The following PPM1H variants were observed in gnomAD, a reference collection of about 807,000 sequenced individuals.
PPM1H encodes protein phosphatase 1H.
PPM1H carries 27 observed loss-of-function variants against 54.9 expected under a neutral mutation model. The ratio of observed to expected loss-of-function variants is 0.49; its 90% confidence interval spans 0.36 to 0.68. PPM1H has a LOEUF of 0.68. Ranked by LOEUF, PPM1H falls within the 30% of genes least tolerant of loss-of-function variation. PPM1H has a pLI of 0.00. For synonymous variants in PPM1H, 305 were observed against 270.8 expected, an observed-to-expected ratio of 1.13 and a Z score of -1.24; for missense variants, 596 against 667.8, an observed-to-expected ratio of 0.89 and a Z score of 1.19.
chr12:62,676,099 G>A (rs776221603), intron 8 of PPM1H, among the ~76,000 whole-genome samples: 3 of 152,180 alleles, frequency 2.0e-5, no homozygotes, highest in Non-Finnish European at 4.4e-5. Flanking sequence ...GGCCATGAGT[G>A]GGCCAGAAAA....
chr12:62,685,366 T>C (rs894290704), intron 8 of PPM1H, among the ~76,000 whole-genome samples: 9 of 152,226 alleles, frequency 5.9e-5, no homozygotes, highest in Non-Finnish European at 1.0e-4. Flanking sequence ...CAGAGCCCCT[T>C]GAACCAGTAC....
At chr12:62,655,268 TTCAGAGCTCATTTGCATCC>T (rs2075837804) in intron 9 of PPM1H, among the ~76,000 whole-genome samples, 2 of 152,118 alleles carry the variant, frequency 1.3e-5, no homozygotes, top group South Asian at 4.1e-4. Flanking sequence ...TGGTGGCCAT[TTCAGAGCTCATTTGCATCC>T]ATCTTCGGAG....
intron 2 of PPM1H, among the ~76,000 whole-genome samples, chr12:62,815,752 T>A (rs1046901282): frequency 6.6e-6 from 1 of 152,118 alleles, no homozygotes; most frequent in African/African-American, 2.4e-5. Context: ...AAAATTGAGG[T>A]ATGGAGAAGC....
At chr12:62,777,670 A>G (rs11838276) in intron 4 of PPM1H, among the ~76,000 whole-genome samples, 24,012 of 152,180 alleles carry the variant, frequency 0.16, 2,874 homozygotes, top group African/African-American at 0.34. Flanking sequence ...AAAACATACC[A>G]AAGAACTGCA....
At chr12:62,912,819 G>T (rs536701462) in intron 1 of PPM1H, among the ~76,000 whole-genome samples, 1 of 152,274 alleles carries the variant, frequency 6.6e-6, no homozygotes, top group South Asian at 2.1e-4. Flanking sequence ...ACTAAAAGCA[G>T]ATTTGTTCCC....
intron 5 of PPM1H, among the ~76,000 whole-genome samples, chr12:62,737,224 A>C (rs1198573977): frequency 4.0e-5 from 6 of 151,242 alleles, no homozygotes; most frequent in African/African-American, 1.2e-4. Context: ...CATTAAAAAA[A>C]AAAAAAAACA....
chr12:62,866,507 T>C (rs1425926768), intron 1 of PPM1H, among the ~76,000 whole-genome samples: 1 of 152,138 alleles, frequency 6.6e-6, no homozygotes, highest in Non-Finnish European at 1.5e-5. Context: ...TTTTGGATCA[T>C]TCACCACGAG....
chr12:62,932,628 C>CTGTTTTTTTTTTTTTTT (rs1872176806), intron 1 of PPM1H, among the ~76,000 whole-genome samples: 2 of 54,006 alleles, frequency 3.7e-5, no homozygotes, highest in Non-Finnish European at 6.4e-5. Context: ...TCCAAATGGG[C>CTGTTTTTTTTTTTTTTT]TTTTTTTTTT....
intron 5 of PPM1H, among the ~76,000 whole-genome samples, chr12:62,731,325 C>G (rs989453756): frequency 6.6e-6 from 1 of 152,242 alleles, no homozygotes; most frequent in South Asian, 2.1e-4. Context: ...TTGAAACTGT[C>G]TCTTTCTGAA....
At chr12:62,794,550 C>T (rs961406935) in intron 3 of PPM1H, among the ~76,000 whole-genome samples, 8 of 152,154 alleles carry the variant, frequency 5.3e-5, no homozygotes, top group Admixed American at 3.3e-4. Context: ...TCTAGACCCA[C>T]TCTTAAAAGG....
At chr12:62,804,283 G>A (rs1211809217) in intron 2 of PPM1H, among the ~76,000 whole-genome samples, 1 of 151,240 alleles carries the variant, frequency 6.6e-6, no homozygotes, top group Non-Finnish European at 1.5e-5. Flanking sequence ...GAATCGAGGA[G>A]AAGGAGGCTG....
chr12:62,753,825 G>A lies in PPM1H; in HGVS notation c.870-16239C>T, dbSNP rs182734836. On this transcript the variant is annotated intron_variant, in intron 4 of 9. Coordinates refer to ENST00000228705, the MANE Select transcript of PPM1H (RefSeq NM_020700.2). ...TTTTCCAGATAAGGGGGATCAGGGCGGGCTCCCACTAACCTCATTTCCACT... is the reference window on the plus strand; with the variant it reads ...TTTTCCAGATAAGGGGGATCAGGGCAGGCTCCCACTAACCTCATTTCCACT... Among the ~76,000 whole-genome samples the A allele has an allele frequency of 5.9e-5, 9 of 152,260 alleles. No individual in the cohort carries two copies. The South Asian group carries it at 6.2e-4, about 11-fold the overall frequency.
In PPM1H at chr12:62,838,716, TCGAGAC is replaced by T. The variant is rs1868595421; in HGVS notation, c.246-6443_246-6438del. 1.9e-5 allele frequency among the ~76,000 whole-genome samples: 2 copies of T among 103,146 alleles called. 1 individual carries two copies. Among genetic ancestry groups the T allele is most frequent in the Non-Finnish European group, 3.9e-5 (2 of 50,672 alleles). 67.7% of individuals were successfully genotyped at this position (103,146 alleles called of 152,430 possible). On this transcript the variant is annotated intron_variant, in intron 1 of 9. Transcript: ENST00000228705. Reference sequence around the variant, plus strand: ...GCGGGCGGATCACGAGGTCAGGAGATCGAGACCATCCTGGCTAACACGGTGAAACCC... The same window carrying T: ...GCGGGCGGATCACGAGGTCAGGAGATCATCCTGGCTAACACGGTGAAACCC...
chr12:62,918,924 T>C (rs771125393), intron 1 of PPM1H, among the ~76,000 whole-genome samples: 1 of 152,216 alleles, frequency 6.6e-6, no homozygotes, highest in East Asian at 1.9e-4. Flanking sequence ...ATAGAATATA[T>C]GGATAGTTTA....
chr12:62,701,790 T>C (rs2076145446), intron 6 of PPM1H, among the ~76,000 whole-genome samples: 1 of 152,180 alleles, frequency 6.6e-6, no homozygotes. Context: ...AGGCCTCCCC[T>C]GACCACTCAT....
intron 4 of PPM1H, among the ~76,000 whole-genome samples, chr12:62,768,374 C>T (rs1401797165): frequency 6.6e-6 from 1 of 152,056 alleles, no homozygotes; most frequent in Admixed American, 6.6e-5. Context: ...GTGAAGAGAA[C>T]CAAGTTAAGG....
chr12:62,874,523 C>T (rs1203613574), intron 1 of PPM1H, among the ~76,000 whole-genome samples: 1 of 151,650 alleles, frequency 6.6e-6, no homozygotes, highest in Non-Finnish European at 1.5e-5. Context: ...GGTTAGCTGT[C>T]TCCATATTAC....
intron 9 of PPM1H, among the ~76,000 whole-genome samples, chr12:62,666,290 CA>C (rs1425682542): frequency 6.6e-6 from 1 of 152,140 alleles, no homozygotes. Flanking sequence ...GAAGTATTTA[CA>C]GGTCCAATTC....
chr12:62,922,899 GA>G (rs1432982367), intron 1 of PPM1H, among the ~76,000 whole-genome samples: 1 of 152,210 alleles, frequency 6.6e-6, no homozygotes. Context: ...GCCACCAGCT[GA>G]AAAGAGGAGT....
Sources: gnomAD v4.1 joint callset for allele counts (sites outside exome capture counted in the v4.1 genomes callset) on GRCh38, gnomAD v4.1.1 for gene constraint, MANE v1.5 for transcripts, NCBI Gene and HGNC (gene_info 2026-07-23, HGNC 2026-07-21) for gene names.